RPH3A: variants seen among roughly 807,000 people sequenced by gnomAD.
RPH3A encodes the protein rabphilin 3A, also known as rabphilin-3A.
RPH3A carries 48 observed loss-of-function variants against 102.2 expected under a neutral mutation model. That is an observed-to-expected ratio of 0.47 (90% CI 0.37 to 0.60). RPH3A has a LOEUF of 0.60. Among genes scored for constraint, RPH3A ranks in the 20% least tolerant of loss-of-function variants. RPH3A has a pLI of 0.00. For missense variants in RPH3A, 781 were observed against 910.1 expected (o/e 0.86, Z 1.83); for synonymous variants, 310 against 324.3 (o/e 0.96, Z 0.47).
intron 2 of RPH3A, among the ~76,000 whole-genome samples, chr12:112,816,460 C>A (rs575520265): frequency 6.6e-6 from 1 of 152,232 alleles, no homozygotes; most frequent in South Asian, 2.1e-4. Flanking sequence ...GAGCTGGGAC[C>A]CAGGCTGAGG....
intron 2 of RPH3A, among the ~76,000 whole-genome samples, chr12:112,822,813 T>C (rs1012943220): frequency 6.6e-6 from 1 of 152,316 alleles, no homozygotes; most frequent in South Asian, 2.1e-4. Context: ...GTTGTGAGGA[T>C]TGAGGAGATA....
At chr12:112,648,045 T>C (rs1427160032) in intron 1 of RPH3A, among the ~76,000 whole-genome samples, 1 of 152,220 alleles carries the variant, frequency 6.6e-6, no homozygotes, top group Non-Finnish European at 1.5e-5. Context: ...TTCTTCTATG[T>C]TGAAAGGAAT....
chr12:112,694,936 C>T (rs981731849), intron 1 of RPH3A: 4 of 170,098 alleles, frequency 2.4e-5, no homozygotes, highest in African/African-American at 9.6e-5. Context: ...TATGCTGTTC[C>T]CTTCTGCTGT....
chr12:112,710,315 C>T (rs1403735269), intron 1 of RPH3A, among the ~76,000 whole-genome samples: 1 of 152,104 alleles, frequency 6.6e-6, no homozygotes, highest in Non-Finnish European at 1.5e-5. Flanking sequence ...GCTGAAAGTC[C>T]CACATCCCAG....
chr12:112,804,610 A>G (rs1002534293), intron 2 of RPH3A, among the ~76,000 whole-genome samples: 3 of 152,216 alleles, frequency 2.0e-5, no homozygotes, highest in Non-Finnish European at 4.4e-5. Context: ...TTAGGACTTC[A>G]GCACAGAAAG....
At chr12:112,838,490 A>C in intron 4 of RPH3A, among the ~76,000 whole-genome samples, 1 of 152,192 alleles carries the variant, frequency 6.6e-6, no homozygotes, top group East Asian at 1.9e-4. Flanking sequence ...CCTTTTCTTC[A>C]GGATTCATTA....
intron 1 of RPH3A, among the ~76,000 whole-genome samples, chr12:112,655,803 C>T (rs930317366): frequency 1.3e-5 from 2 of 151,898 alleles, no homozygotes; most frequent in African/African-American, 2.4e-5. Context: ...GAACTCCTGA[C>T]CTCAGGTGAT....
rs528329505 is a variant in RPH3A at position 112,705,030 on chromosome 12, A to G, written c.-139-87113A>G. On this transcript the variant is annotated intron_variant, in intron 1 of 21. Transcript: ENST00000543106. ...TGCTTCTGTCTCAAATAAAAGTTCAATCTGGTATGGAGGCTCTATGTGGTG... is the reference window on the plus strand; with the variant it reads ...TGCTTCTGTCTCAAATAAAAGTTCAGTCTGGTATGGAGGCTCTATGTGGTG... 2.6e-5 allele frequency among the ~76,000 whole-genome samples: 4 copies of G among 152,328 alleles called. No homozygotes were observed. In the South Asian group the frequency reaches 8.3e-4, roughly 32 times the overall value.
chr12:112,858,022 A>C (rs968520912), intron 5 of RPH3A, among the ~76,000 whole-genome samples: 1 of 152,062 alleles, frequency 6.6e-6, no homozygotes, highest in Admixed American at 6.6e-5. Context: ...TAATCCCAGC[A>C]CTTTGGGAGG....
intron 4 of RPH3A, chr12:112,842,100 C>T: frequency 6.6e-6 from 3 of 451,738 alleles, no homozygotes; most frequent in South Asian, 4.7e-5. Context: ...CTTCCCACCC[C>T]TGGGTCAGTG....
intron 2 of RPH3A, among the ~76,000 whole-genome samples, chr12:112,801,471 G>C (rs2041352533): frequency 6.6e-6 from 1 of 152,212 alleles, no homozygotes; most frequent in Non-Finnish European, 1.5e-5. Flanking sequence ...TTCCGCAGAG[G>C]GGTCCAGGCA....
rs901572013 is a variant in RPH3A at position 112,833,527 on chromosome 12, G to T, written c.72-2964G>T. ...ATATTTACACTTGCTTCTGCCAGGA[G>T]TGAGATGTTCTGGTCATCCAGAAAC... On this transcript the variant is annotated intron_variant, in intron 3 of 21. Transcript: ENST00000389385. Among the ~76,000 whole-genome samples the T allele has an allele frequency of 9.3e-5, 7 of 75,100 alleles. No individual in the cohort carries two copies. In the East Asian group the frequency reaches 1.5e-3, roughly 16 times the overall value. 49.3% of individuals were successfully genotyped at this position (75,100 alleles called of 152,430 possible).
intron 1 of RPH3A, among the ~76,000 whole-genome samples, chr12:112,664,242 G>T (rs2040069516): frequency 6.6e-6 from 1 of 152,132 alleles, no homozygotes; most frequent in African/African-American, 2.4e-5. Flanking sequence ...AAGGGTGAAG[G>T]TCAGACCAGG....
At chr12:112,611,829 G>GAA (rs201427425) in intron 1 of RPH3A, among the ~76,000 whole-genome samples, 3 of 142,060 alleles carry the variant, frequency 2.1e-5, no homozygotes, top group Admixed American at 1.4e-4. Flanking sequence ...TAGCCAGCAA[G>GAA]AAAAAAAAAA....
intron 1 of RPH3A, among the ~76,000 whole-genome samples, chr12:112,700,450 A>T (rs2040385431): frequency 6.6e-6 from 1 of 152,132 alleles, no homozygotes; most frequent in South Asian, 2.1e-4. Context: ...CTAAGTCGGA[A>T]ACTCCTCCTA....
chr12:112,834,612 A>G (rs1170089757), intron 3 of RPH3A, among the ~76,000 whole-genome samples: 3 of 152,212 alleles, frequency 2.0e-5, no homozygotes, highest in Non-Finnish European at 2.9e-5. Flanking sequence ...ACTTGGTATG[A>G]TCAGTCTTCT....
chr12:112,718,293 T>C (rs998136346), intron 1 of RPH3A, among the ~76,000 whole-genome samples: 1 of 152,256 alleles, frequency 6.6e-6, no homozygotes, highest in Non-Finnish European at 1.5e-5. Flanking sequence ...AAAACATATT[T>C]AAATCCATAT....
At chr12:112,845,989 C>A (rs1217033109) in intron 4 of RPH3A, among the ~76,000 whole-genome samples, 1 of 151,866 alleles carries the variant, frequency 6.6e-6, no homozygotes, top group Non-Finnish European at 1.5e-5. Flanking sequence ...GGCCCTGAGG[C>A]AAAAAGAAGA....
At chr12:112,841,689 GT>G (rs1177957466) in intron 4 of RPH3A, among the ~76,000 whole-genome samples, 2 of 137,492 alleles carry the variant, frequency 1.5e-5, no homozygotes, top group Admixed American at 7.8e-5. Context: ...TAAAGCTTGA[GT>G]TTTTTTTGTT....
Sources: gnomAD v4.1 joint callset for allele counts (sites outside exome capture counted in the v4.1 genomes callset) on GRCh38, gnomAD v4.1.1 for gene constraint, MANE v1.5 for transcripts, NCBI Gene and HGNC (gene_info 2026-07-23, HGNC 2026-07-21) for gene names.